RFX3: variants seen among roughly 807,000 people sequenced by gnomAD.
RFX3 encodes regulatory factor X3.
Under a neutral mutation model 98.6 loss-of-function variants are expected in RFX3, and 14 were observed. That is an observed-to-expected ratio of 0.14 (90% CI 0.09 to 0.22). The LOEUF (loss-of-function observed/expected upper bound fraction) is 0.22, where lower values mean the gene tolerates loss of function less well. RFX3 is among the 10% of genes least tolerant of loss of function. The pLI is 1.00. For missense variants in RFX3, 639 were observed against 926.9 expected (o/e 0.69, Z 4.03); for synonymous variants, 383 against 328.4 (o/e 1.17, Z -1.80).
intron 1 of RFX3, among the ~76,000 whole-genome samples, chr9:3,516,263 T>C (rs375500850): frequency 2.6e-5 from 4 of 152,072 alleles, no homozygotes; most frequent in African/African-American, 9.7e-5. Flanking sequence ...TTAGCCAGGA[T>C]GGTCTAGATC....
chr9:3,346,461 C>T (rs960396191), intron 3 of RFX3, among the ~76,000 whole-genome samples: 1 of 152,012 alleles, frequency 6.6e-6, no homozygotes, highest in Non-Finnish European at 1.5e-5. Context: ...TTAAAATATC[C>T]TATGGGGTTA....
Position 3,446,095 on chromosome 9 carries a change from G to A in RFX3, c.-8-50499C>T, listed in dbSNP as rs149010814. Among the ~76,000 whole-genome samples the A allele has an allele frequency of 1.6e-3, 244 of 152,172 alleles. 1 individual carries two copies. The highest frequency in any genetic ancestry group is 5.7e-3 in the African/African-American group (235 of 41,542). On this transcript the variant is annotated intron_variant, in intron 1 of 16. Coordinates refer to ENST00000617270, the MANE Select transcript of RFX3 (RefSeq NM_001282116.2). ...TCTCCACTGCCCAAGCCCGATGCCT[G>A]ATATATGAGAACAGTTCAATAAATA...
At chr9:3,388,971 CA>C (rs1840004053) in intron 2 of RFX3, among the ~76,000 whole-genome samples, 1 of 152,006 alleles carries the variant, frequency 6.6e-6, no homozygotes, top group Non-Finnish European at 1.5e-5. Flanking sequence ...AGGAGGACTA[CA>C]GTTGCAAAGG....
chr9:3,250,196 A>G (rs147046793), intron 14 of RFX3, among the ~76,000 whole-genome samples: 3 of 152,030 alleles, frequency 2.0e-5, no homozygotes, highest in African/African-American at 7.2e-5. Flanking sequence ...AAAATGTTAC[A>G]TAACGTTTTT....
At chr9:3,340,190 G>A (rs971374661) in intron 3 of RFX3, among the ~76,000 whole-genome samples, 12 of 152,138 alleles carry the variant, frequency 7.9e-5, no homozygotes, top group South Asian at 4.1e-4. Flanking sequence ...TGGGAAAACC[G>A]GCTAGCCATA....
At chr9:3,364,863 A>T (rs1222097025) in intron 2 of RFX3, 1 of 152,228 alleles carries the variant, frequency 6.6e-6, no homozygotes, top group Admixed American at 6.5e-5. Flanking sequence ...TCTCATAAGT[A>T]TTATTTAATT....
intron 1 of RFX3, among the ~76,000 whole-genome samples, chr9:3,425,368 G>A (rs923810430): frequency 1.8e-4 from 27 of 152,166 alleles, no homozygotes; most frequent in African/African-American, 6.3e-4. Context: ...ATATCTGTAT[G>A]GTCATGTATT....
chr9:3,471,964 T>G (rs1007827396), intron 1 of RFX3, among the ~76,000 whole-genome samples: 1 of 152,234 alleles, frequency 6.6e-6, no homozygotes, highest in African/African-American at 2.4e-5. Flanking sequence ...TTTCTACTCG[T>G]GGCTGACTTA....
intron 1 of RFX3, among the ~76,000 whole-genome samples, chr9:3,444,636 G>A (rs1845882817): frequency 6.6e-6 from 1 of 152,072 alleles, no homozygotes; most frequent in Non-Finnish European, 1.5e-5. Flanking sequence ...GCAAAACTGG[G>A]AATACACTAA....
intron 1 of RFX3, chr9:3,488,748 T>A (rs1480767750): frequency 2.0e-6 from 2 of 983,156 alleles, no homozygotes; most frequent in East Asian, 1.1e-4. Flanking sequence ...CATAGGGGAA[T>A]TTTTGATGTA....
chr9:3,346,554 T>C (rs538945519), intron 3 of RFX3, 113 bp downstream of exon 3: 5 of 700,794 alleles, frequency 7.1e-6, no homozygotes, highest in Admixed American at 4.3e-5. Context: ...ACTGTTCTAG[T>C]AGAAAATTAC....
At chr9:3,340,260 G>C (rs1833716356) in intron 3 of RFX3, among the ~76,000 whole-genome samples, 1 of 152,102 alleles carries the variant, frequency 6.6e-6, no homozygotes, top group African/African-American at 2.4e-5. Context: ...ATTCAAGATG[G>C]ATTAAAGACT....
At chr9:3,255,630 C>T (rs1822031440) in intron 14 of RFX3, among the ~76,000 whole-genome samples, 1 of 152,208 alleles carries the variant, frequency 6.6e-6, no homozygotes, top group Non-Finnish European at 1.5e-5. Flanking sequence ...ATTTACCCAA[C>T]TTATGGAAGA....
intron 1 of RFX3, among the ~76,000 whole-genome samples, chr9:3,416,182 T>A (rs1277960192): frequency 6.6e-6 from 1 of 152,196 alleles, no homozygotes; most frequent in East Asian, 1.9e-4. Flanking sequence ...AGGTGCTTTA[T>A]AAATACTATC....
chr9:3,374,113 C>A (rs1838179432), intron 2 of RFX3, among the ~76,000 whole-genome samples: 1 of 151,440 alleles, frequency 6.6e-6, no homozygotes, highest in South Asian at 2.1e-4. Flanking sequence ...CACACACACA[C>A]ACAAACCCCA....
chr9:3,286,247 A>T (rs1321721999), intron 7 of RFX3, among the ~76,000 whole-genome samples: 2 of 151,860 alleles, frequency 1.3e-5, no homozygotes, highest in East Asian at 3.9e-4. Flanking sequence ...TGCAAAAAGC[A>T]ATCATAACCC....
chr9:3,241,724 A>T (rs1194699188), intron 15 of RFX3, among the ~76,000 whole-genome samples: 1 of 152,234 alleles, frequency 6.6e-6, no homozygotes, highest in East Asian at 1.9e-4. Context: ...TGTTTGATTT[A>T]GGTCTGGTCT....
Position 3,436,032 on chromosome 9 carries a change from G to A in RFX3, c.-8-40436C>T, listed in dbSNP as rs116772898. On this transcript the variant is annotated intron_variant, in intron 1 of 16. Transcript: ENST00000617270. Reference sequence around the variant, plus strand: ...TTTAACTGATTAAGTAGTAGTGATAGGTAACTATATTTGGTCATGTACATC... The same window carrying A: ...TTTAACTGATTAAGTAGTAGTGATAAGTAACTATATTTGGTCATGTACATC... Among the ~76,000 whole-genome samples the A allele has an allele frequency of 3.9e-3, 591 of 151,980 alleles. 1 individual carries two copies. The highest frequency in any genetic ancestry group is 0.013 in the African/African-American group (558 of 41,512).
chr9:3,262,365 T>G (rs982918428), intron 13 of RFX3, among the ~76,000 whole-genome samples: 1 of 152,198 alleles, frequency 6.6e-6, no homozygotes, highest in Non-Finnish European at 1.5e-5. Context: ...TATTTTTTCA[T>G]TTGAACTACC....
Sources: allele counts gnomAD v4.1 joint callset (sites outside exome capture counted in the v4.1 genomes callset), GRCh38; gene constraint gnomAD v4.1.1; transcripts MANE v1.5; gene names NCBI Gene and HGNC (gene_info 2026-07-23, HGNC 2026-07-21).